BNIPL: variants seen among roughly 807,000 people sequenced by gnomAD.
BNIPL encodes the protein bcl-2/adenovirus E1B 19 kDa-interacting protein 2-like protein.
Under a neutral mutation model 47.0 loss-of-function variants are expected in BNIPL, and 33 were observed. The ratio of observed to expected loss-of-function variants is 0.70; its 90% CI spans 0.53 to 0.94. BNIPL has a LOEUF of 0.94. BNIPL is among the 40% of genes least tolerant of loss of function. BNIPL has a pLI of 0.00. For missense variants in BNIPL, 404 were observed against 445.2 expected, an observed-to-expected ratio of 0.91 and a Z score of 0.83; for synonymous variants, 145 against 162.7, an observed-to-expected ratio of 0.89 and a Z score of 0.83.
At chr1:151,039,101 A>G in intron 4 of BNIPL, 75 bp downstream of exon 4, 1 of 1,422,872 alleles carries the variant, frequency 7.0e-7, no homozygotes, top group South Asian at 1.8e-5. Flanking sequence ...ACTTAATGGG[A>G]CTGCAGTTAG....
chr1:151,044,181 C>T (rs587711272), intron 7 of BNIPL, among the ~76,000 whole-genome samples: 14 of 152,040 alleles, frequency 9.2e-5, no homozygotes, highest in Non-Finnish European at 1.8e-4. Context: ...GATGGAGTTT[C>T]ACCATTTTGC....
chr1:151,044,787 T>TC, intron 7 of BNIPL: 1 of 1,259,232 alleles, frequency 7.9e-7, no homozygotes. Flanking sequence ...GGTTTTTTTT[T>TC]TTTCCCCTTT....
chr1:151,041,290 C>A (rs765994715), intron 4 of BNIPL, among the ~76,000 whole-genome samples: 1 of 152,000 alleles, frequency 6.6e-6, no homozygotes, highest in Admixed American at 6.6e-5. Context: ...GAGGCTAGTA[C>A]CAAGGCCAGG....
intron 7 of BNIPL, among the ~76,000 whole-genome samples, 162 bp downstream of exon 7, chr1:151,043,889 C>T (rs587729295): frequency 1.2e-4 from 18 of 152,284 alleles, no homozygotes; most frequent in Middle Eastern, 6.8e-3. Context: ...TCAAGGAAAT[C>T]TAGCTTCAAA....
In BNIPL at chr1:151,038,482, C is replaced by A. The variant is rs141647436; in HGVS notation, c.138-22C>A. 9.4e-4 allele frequency: 1,491 copies of A among 1,592,148 alleles called. 11 individuals are homozygous for A. In the African/African-American group the frequency reaches 0.018, roughly 19 times the overall value. On this transcript the variant is annotated intron_variant, in intron 2 of 9. Transcript: ENST00000368931. ...TGCCTTTGGTGTATATGTCTGCCGC[C>A]TTTTAATCTCTTCCCCTCTAGATTG...
In BNIPL at chr1:151,044,775, C is replaced by T; in HGVS notation, c.852-1022C>T. 1.6e-6 allele frequency: 2 copies of T among 1,240,422 alleles called. 1 individual carries two copies. The highest frequency in any genetic ancestry group is 2.7e-5 in the South Asian group (2 of 74,394). The allele number at this position is 1,240,422 out of a possible 1,614,324, so 76.8% of individuals were successfully genotyped here. A position where few individuals can be genotyped will look rare whatever the true frequency, so the allele number is the denominator to read the frequency against. On this transcript the variant is annotated intron_variant, in intron 7 of 9. Transcript: ENST00000368931. ...TGGCCCTGTGTCTTCTTTTCCTTCT[C>T]AGGTTTTTTTTTTTTCCCCTTTTGG...
chr1:151,045,930 C>T (rs776940667), intron 8 of BNIPL, 47 bp downstream of exon 8: 78 of 1,613,704 alleles, frequency 4.8e-5, no homozygotes, highest in Non-Finnish European at 6.6e-5. Context: ...CCCCCATTTT[C>T]AAAATCAAGA....
Position 151,038,860 on chromosome 1 carries a change from C to T in BNIPL, c.267C>T (p.Ala89=), listed in dbSNP as rs769987634. ...GCCCCATGCGCAAGCGTCTTTCTGCCCCAGAGTTGCGGCTGAGTCTGACTA... is the reference window on the plus strand; with the variant it reads ...GCCCCATGCGCAAGCGTCTTTCTGCTCCAGAGTTGCGGCTGAGTCTGACTA... ...GQRPMRKRLS[A]PELRLSLTKG... is the part of the protein sequence containing the mutation. Residue 89 remains alanine (A), a synonymous_variant, in exon 4 of 10, where the codon GCC becomes GCT. Coordinates refer to ENST00000368931, the MANE Select transcript of BNIPL (RefSeq NM_138278.4). The T allele has an allele frequency of 2.5e-6, 4 of 1,613,862 alleles. No homozygotes were observed. The Admixed American group carries it at 6.7e-5, about 27-fold the overall frequency.
At chr1:151,046,200 G>C in intron 9 of BNIPL, 35 bp downstream of exon 9, 1 of 1,611,980 alleles carries the variant, frequency 6.2e-7, no homozygotes. Context: ...GCCTTGGGGT[G>C]GGATGTGTAA....
chr1:151,037,489 C>A, intron 1 of BNIPL, 78 bp from the exon 2 acceptor site: 1 of 1,529,216 alleles, frequency 6.5e-7, no homozygotes, highest in Non-Finnish European at 8.8e-7. Flanking sequence ...CTCTGTATCT[C>A]AATTACTGTT....
At chr1:151,045,431 C>T (rs1268251719) in intron 7 of BNIPL, 37 of 181,160 alleles carry the variant, frequency 2.0e-4, no homozygotes, top group South Asian at 4.0e-4. Context: ...CGGTGGCGGG[C>T]GCCTGTAGTC....
chr1:151,045,558 CA>C (rs587769189), intron 7 of BNIPL: 10,839 of 247,630 alleles, frequency 0.044, 5 homozygotes, highest in South Asian at 0.053. Flanking sequence ...GACTCCGTCT[CA>C]AAAAAAAAAA....
chr1:151,045,713 A>G lies in BNIPL; in HGVS notation c.852-84A>G, dbSNP rs1675995605. The G allele has an allele frequency of 6.9e-6, 11 of 1,600,320 alleles. No individual in the cohort carries two copies. The East Asian group carries it at 1.1e-4, about 16-fold the overall frequency. ...AGAAACTAGAGAAGTGAATGAAGGA[A>G]GTTACAGTACAGAAAACAGTTCCAC... On this transcript the variant is annotated intron_variant, in intron 7 of 9. Transcript: ENST00000368931.
rs1475264892 is a variant in BNIPL at position 151,042,965 on chromosome 1, C to A, written c.443C>A (p.Pro148His). The change falls in exon 5 of 10, where the codon CCC becomes CAC. Residue 148 changes from proline to histidine, a missense_variant. Transcript: ENST00000368931. ...GHEFEWEDEL[P>H]RAEGLGTSET... ...CATCCCTCTCTTTTAGATGAACTAC[C>A]CCGGGCAGAGGGTCTGGGCACCAGT... 2 of 1,577,668 alleles carry A rather than the reference C, an allele frequency of 1.3e-6. No individual in the cohort carries two copies. Among genetic ancestry groups the A allele is most frequent in the African/African-American group, 2.8e-5 (2 of 72,724 alleles).
At position 151,043,399 on chromosome 1, in the gene BNIPL, C is replaced by A; in HGVS notation, c.684C>A (p.Ile228=). ...CCTGTTATCTACCCAGAAGCAGCAT[C>A]CCCAACTACACCTATGTCATGGAAC... ...FASCYLPRSS[I]PNYTYVMEHL... is the part of the protein sequence containing the mutation. The change falls in exon 6 of 10, where the codon ATC becomes ATA. Residue 228 remains isoleucine, a synonymous_variant. Transcript: ENST00000368931. 6.2e-7 allele frequency: 1 copy of A among 1,610,312 alleles called. No individual in the cohort carries two copies. The highest frequency in any genetic ancestry group is 8.5e-7 in the Non-Finnish European group (1 of 1,176,552).
chr1:151,038,829 G>T lies in BNIPL; in HGVS notation c.236G>T (p.Gly79Val). Residue 79 changes from glycine to valine, a missense_variant, in exon 4 of 10, where the codon GGC becomes GTC. By Grantham distance (109) the Gly-to-Val change is moderately radical. Coordinates refer to ENST00000368931, the MANE Select transcript of BNIPL (RefSeq NM_138278.4). ...ACCCCCAGCACTTTAGCCCTGTGTG[G>T]CCAGCGCCCCATGCGCAAGCGTCTT... The part of the protein sequence containing the change: ...AGTPSTLALC[G>V]QRPMRKRLSA... The T allele has an allele frequency of 6.2e-7, 1 of 1,609,564 alleles. No homozygotes were observed. The highest frequency in any genetic ancestry group is 8.5e-7 in the Non-Finnish European group (1 of 1,177,658).
At position 151,038,644 on chromosome 1, in the gene BNIPL, C is replaced by T. The variant is rs1675712039; in HGVS notation, c.202+76C>T. On this transcript the variant is annotated intron_variant, in intron 3 of 9. Coordinates refer to ENST00000368931, the MANE Select transcript of BNIPL (RefSeq NM_138278.4). ...GGGCTATGCCACCTCTATCCTTTTACAGTTCCATTTCCCCCTTTTCCCAAA... is the reference window on the plus strand; with the variant it reads ...GGGCTATGCCACCTCTATCCTTTTATAGTTCCATTTCCCCCTTTTCCCAAA... The T allele has an allele frequency of 5.0e-6, 8 of 1,589,864 alleles. No homozygotes were observed. In the South Asian group the frequency reaches 9.0e-5, roughly 18 times the overall value.
chr1:151,045,684 A>G, intron 7 of BNIPL, 113 bp from the exon 8 acceptor site: 1 of 1,545,308 alleles, frequency 6.5e-7, no homozygotes, highest in Non-Finnish European at 8.7e-7. Flanking sequence ...TACCAGATAA[A>G]TCTAGAAACT....
intron 4 of BNIPL, 135 bp from the exon 5 acceptor site, chr1:151,042,821 A>AT: frequency 1.8e-6 from 1 of 565,424 alleles, no homozygotes; most frequent in Non-Finnish European, 2.6e-6. Context: ...CTCAAAAAAA[A>AT]GGAAAAAAAA....
Sources: gnomAD v4.1 joint callset for allele counts (sites outside exome capture counted in the v4.1 genomes callset) on GRCh38, gnomAD v4.1.1 for gene constraint, MANE v1.5 for transcripts, NCBI Gene and HGNC (gene_info 2026-07-23, HGNC 2026-07-21) for gene names.